The following SYT14 variants were observed in gnomAD, a reference collection of about 807,000 sequenced individuals.
The protein encoded by SYT14 is synaptotagmin-14.
SYT14 carries 32 observed loss-of-function variants against 74.2 expected under a neutral mutation model. That is an observed-to-expected ratio of 0.43 (90% CI 0.33 to 0.58). The LOEUF (loss-of-function observed/expected upper bound fraction) is 0.58, where lower values mean the gene tolerates loss of function less well. SYT14 is among the 20% of genes least tolerant of loss of function. The pLI, the probability that SYT14 is intolerant of heterozygous loss-of-function variation, is 0.05. For synonymous variants in SYT14, 298 were observed against 337.7 expected, an observed-to-expected ratio of 0.88 and a Z score of 1.29; for missense variants, 791 against 981.8, an observed-to-expected ratio of 0.81 and a Z score of 2.60.
chr1:210,074,887 A>T (rs1459366677), intron 5 of SYT14, among the ~76,000 whole-genome samples: 1 of 152,210 alleles, frequency 6.6e-6, no homozygotes, highest in Non-Finnish European at 1.5e-5. Context: ...TTAGCCATCC[A>T]TAGGCGGCTT....
chr1:210,094,540 A>G (rs2081935063), exon 6 of SYT14: 2 of 1,611,476 alleles, frequency 1.2e-6, no homozygotes, highest in Middle Eastern at 1.7e-4. Context: ...TTTTCATAAT[A>G]AAGGATATGA....
intron 5 of SYT14, among the ~76,000 whole-genome samples, chr1:210,036,459 C>T (rs2080664172): frequency 6.6e-6 from 1 of 152,008 alleles, no homozygotes; most frequent in Non-Finnish European, 1.5e-5. Context: ...CTAGGACTTC[C>T]CAGTACTGTG....
At chr1:209,965,860 G>A (rs555764250) in intron 2 of SYT14, 25 of 445,928 alleles carry the variant, frequency 5.6e-5, no homozygotes, top group African/African-American at 3.3e-4. Flanking sequence ...TATATTTATC[G>A]GTTTATTTTT....
chr1:210,128,942 C>T (rs2082623082), intron 7 of SYT14, among the ~76,000 whole-genome samples: 1 of 152,154 alleles, frequency 6.6e-6, no homozygotes, highest in Non-Finnish European at 1.5e-5. Flanking sequence ...TGTGTTTCAT[C>T]AGATTTTTCC....
exon 8 of SYT14, chr1:210,155,897 A>T: frequency 2.5e-6 from 4 of 1,614,122 alleles, no homozygotes; most frequent in Non-Finnish European, 3.4e-6. Context: ...ATTTGGCAGC[A>T]AACAGACCAC....
In SYT14 at chr1:210,016,152, T is replaced by G. The variant is rs1266815734; in HGVS notation, c.149T>G (p.Met50Arg). The change falls in exon 4 of 10, where the codon ATG becomes AGG. Residue 50 changes from methionine (M) to arginine (R), a missense_variant. Coordinates refer to ENST00000637265, the Ensembl canonical transcript of SYT14. Reference sequence around the variant, plus strand: ...TCAGTTGCTGAGCAGGTAACAAGTATGATGAGTGGCTTTCGCCCAGAAGAG... The same window carrying G: ...TCAGTTGCTGAGCAGGTAACAAGTAGGATGAGTGGCTTTCGCCCAGAAGAG... 5 of 1,232,108 alleles carry G rather than the reference T, an allele frequency of 4.1e-6. No homozygotes were observed. In the East Asian group the frequency reaches 1.6e-4, roughly 39 times the overall value. The allele number at this position is 1,232,108 out of a possible 1,614,324, so 76.3% of individuals were successfully genotyped here. A position where few individuals can be genotyped will look rare whatever the true frequency, so the allele number is the denominator to read the frequency against.
intron 5 of SYT14, among the ~76,000 whole-genome samples, chr1:210,054,524 C>T (rs540912520): frequency 1.2e-4 from 18 of 151,454 alleles, no homozygotes; most frequent in Non-Finnish European, 2.4e-4. Context: ...AGTCTCTTGT[C>T]TTTTATATTG....
At chr1:210,147,656 AACTT>A (rs1473989519) in intron 7 of SYT14, among the ~76,000 whole-genome samples, 1 of 152,232 alleles carries the variant, frequency 6.6e-6, no homozygotes, top group Middle Eastern at 3.2e-3. Flanking sequence ...GCTTGCATGA[AACTT>A]AATTCTAGGT....
At chr1:210,076,861 A>G (rs139482176) in intron 5 of SYT14, among the ~76,000 whole-genome samples, 105 of 152,298 alleles carry the variant, frequency 6.9e-4, no homozygotes, top group African/African-American at 2.1e-3. Context: ...ACATGACTCA[A>G]TCACCTCCCA....
chr1:210,120,927 A>G (rs956893207), intron 7 of SYT14, among the ~76,000 whole-genome samples: 1 of 152,316 alleles, frequency 6.6e-6, no homozygotes, highest in African/African-American at 2.4e-5. Flanking sequence ...TTCAAGAATT[A>G]CTAGATAGGA....
At chr1:210,000,243 C>T (rs570673692) in intron 2 of SYT14, among the ~76,000 whole-genome samples, 1 of 152,240 alleles carries the variant, frequency 6.6e-6, no homozygotes, top group South Asian at 2.1e-4. Flanking sequence ...AATCCTGACT[C>T]TGCCACTTAC....
chr1:210,031,939 C>T (rs928832149), intron 5 of SYT14, among the ~76,000 whole-genome samples: 1 of 152,060 alleles, frequency 6.6e-6, no homozygotes, highest in Non-Finnish European at 1.5e-5. Context: ...GGAATTTATT[C>T]TTTCTCTCTT....
At chr1:210,105,726 G>A (rs1465048143) in intron 7 of SYT14, among the ~76,000 whole-genome samples, 1 of 152,302 alleles carries the variant, frequency 6.6e-6, no homozygotes, top group South Asian at 2.1e-4. Flanking sequence ...CTGGTGGAAG[G>A]TGATTGGATC....
chr1:210,037,816 G>T (rs1195845257), intron 5 of SYT14, among the ~76,000 whole-genome samples: 1 of 151,862 alleles, frequency 6.6e-6, no homozygotes, highest in African/African-American at 2.4e-5. Context: ...ATATGATTTT[G>T]ATTTTTAAAA....
At chr1:209,989,237 T>C (rs777900549) in intron 2 of SYT14, among the ~76,000 whole-genome samples, 2 of 152,172 alleles carry the variant, frequency 1.3e-5, no homozygotes, top group Non-Finnish European at 2.9e-5. Context: ...TGGGGTCATT[T>C]TTGGTATTTA....
chr1:210,097,931 C>G (rs779247556), intron 6 of SYT14, among the ~76,000 whole-genome samples: 1 of 152,100 alleles, frequency 6.6e-6, no homozygotes, highest in Non-Finnish European at 1.5e-5. Flanking sequence ...AATCCCAGCA[C>G]TTTGGGAAGC....
intron 7 of SYT14, among the ~76,000 whole-genome samples, chr1:210,122,410 T>C (rs1004961092): frequency 1.3e-5 from 2 of 152,196 alleles, no homozygotes; most frequent in African/African-American, 4.8e-5. Context: ...GGCAGGTTCT[T>C]TCTGAAACTT....
chr1:209,938,367 G>C, intron 1 of SYT14, 90 bp downstream of exon 1: 2 of 1,370,906 alleles, frequency 1.5e-6, no homozygotes, highest in Non-Finnish European at 2.0e-6. Context: ...AGGCGCTGAC[G>C]GGGCCGCCTC....
At chr1:209,973,542 C>T (rs997040129) in intron 2 of SYT14, among the ~76,000 whole-genome samples, 2 of 152,144 alleles carry the variant, frequency 1.3e-5, no homozygotes, top group African/African-American at 2.4e-5. Context: ...GACATGAACT[C>T]ATCATTTTTT....
Sources: allele counts gnomAD v4.1 joint callset (sites outside exome capture counted in the v4.1 genomes callset), GRCh38; gene constraint gnomAD v4.1.1; transcripts MANE v1.5; gene names NCBI Gene and HGNC (gene_info 2026-07-23, HGNC 2026-07-21).